Variants in TMEM200C observed in about 807,000 individuals in gnomAD.
TMEM200C encodes the protein transmembrane protein 200C.
For missense variants in TMEM200C, 966 were observed against 699.9 expected (o/e 1.38, Z -4.29); for synonymous variants, 462 against 324.7 (o/e 1.42, Z -4.55).
At position 5,891,408 on chromosome 18, in the gene TMEM200C, G is replaced by A. The variant is rs1476925066; in HGVS notation, c.656C>T (p.Ala219Val). 2.1e-6 allele frequency: 3 copies of A among 1,419,754 alleles called. No homozygotes were observed. The highest frequency in any genetic ancestry group is 1.9e-6 in the Non-Finnish European group (2 of 1,080,928). The allele number at this position is 1,419,754 out of a possible 1,614,324, so 87.9% of individuals were successfully genotyped here. A position where few individuals can be genotyped will look rare whatever the true frequency, so the allele number is the denominator to read the frequency against. Residue 219 changes from alanine (A) to valine (V), a missense_variant, in exon 3 of 3, where the codon GCG becomes GTG. Coordinates refer to ENST00000581347, the Ensembl canonical transcript of TMEM200C. The surrounding 1 kb of genome is among the most constrained non-coding windows in gnomAD (Gnocchi z 4.7). The stretch of plus-strand genomic sequence containing the variant: ...GGCCGCGGCGGCGGCCGCGGCGGCC[G>A]CCAGGTCTTTGGCGCGGAGGCTGTG...
At chr18:5,890,598 G>A (rs2095169392) in exon 3 of TMEM200C, 2 of 1,197,132 alleles carry the variant, frequency 1.7e-6, no homozygotes, top group East Asian at 3.2e-5. Flanking sequence ...ACTCCCCGGG[G>A]AGGGCGGGGG....
At chr18:5,883,318 T>C (rs2095163096) in exon 3 of TMEM200C, 1 of 152,094 alleles carries the variant, frequency 6.6e-6, no homozygotes, top group South Asian at 2.1e-4. Context: ...TTTACTTTAA[T>C]AGAATATTTG....
At chr18:5,887,704 C>A (rs749491170) in exon 3 of TMEM200C, 1 of 152,198 alleles carries the variant, frequency 6.6e-6, no homozygotes, top group Non-Finnish European at 1.5e-5. Context: ...CAAGCTCCTA[C>A]AATAGTACTG....
exon 3 of TMEM200C, chr18:5,889,273 C>T (rs2095167725): frequency 2.6e-5 from 4 of 152,136 alleles, no homozygotes; most frequent in Admixed American, 2.6e-4. Flanking sequence ...ACATTTTAAG[C>T]TTAAAAATAC....
rs539093261 is a variant in TMEM200C, at chr18:5,895,920, A to G, written c.-611T>C. ...CGGAGGGTCTCCCCAGCAGCATCCG[A>G]GGGGCGCTCTCGGGGAGCTAGGGGC... is the stretch of plus-strand genomic sequence containing the variant. On this transcript the variant is annotated 5_prime_UTR_variant, in exon 1 of 3. Coordinates refer to ENST00000581347, the Ensembl canonical transcript of TMEM200C. 4 of 151,996 alleles carry G rather than the reference A, an allele frequency of 2.6e-5. No homozygotes were observed. The South Asian group carries it at 8.3e-4, about 32-fold the overall frequency. 9.4% of individuals were successfully genotyped at this position (151,996 alleles called of 1,614,324 possible).
chr18:5,892,500 A>T (rs183898363), intron 2 of TMEM200C, among the ~76,000 whole-genome samples: 1 of 152,290 alleles, frequency 6.6e-6, no homozygotes, highest in East Asian at 1.9e-4. Context: ...AGTTCCAACC[A>T]TTAGTAAAAC....
chr18:5,882,716 T>C (rs966713199), exon 3 of TMEM200C: 1 of 152,144 alleles, frequency 6.6e-6, no homozygotes, highest in Non-Finnish European at 1.5e-5. Flanking sequence ...ATTATTACTA[T>C]TACTATCACT....
chr18:5,888,519 C>T (rs2095167152), exon 3 of TMEM200C: 1 of 152,150 alleles, frequency 6.6e-6, no homozygotes, highest in Non-Finnish European at 1.5e-5. Context: ...AGCTGAAGAT[C>T]ATAGAGATTA....
At chr18:5,896,106 A>G (rs1398900927), upstream of TMEM200C, among the ~76,000 whole-genome samples, 1 of 151,742 alleles carries the variant, frequency 6.6e-6, no homozygotes, top group Admixed American at 6.6e-5. Context: ...CCCCCAGCGA[A>G]CTCGGGCCCG....
chr18:5,894,593 A>G (rs2144462181), intron 2 of TMEM200C, among the ~76,000 whole-genome samples: 1 of 152,356 alleles, frequency 6.6e-6, no homozygotes, highest in East Asian at 1.9e-4. Context: ...CAAGAGAGAC[A>G]TTCAAGTTCT....
In TMEM200C at chr18:5,890,477, G is replaced by A. The variant is rs755453685; in HGVS notation, c.1587C>T (p.Asp529=). The change falls in exon 3 of 3, where the codon GAC becomes GAT. Residue 529 remains aspartate, a synonymous_variant. Transcript: ENST00000581347. The stretch of plus-strand genomic sequence containing the variant: ...TGTAGCCCTTATTGCTGCTGGATGG[G>A]TCATCCGACTGGGAGCTCCCGGAGT... 6 of 1,558,422 alleles carry A rather than the reference G, an allele frequency of 3.9e-6. No homozygotes were observed. In the South Asian group the frequency reaches 6.2e-5, roughly 16 times the overall value.
At chr18:5,883,787 T>C (rs1233340528) in exon 3 of TMEM200C, 2 of 152,122 alleles carry the variant, frequency 1.3e-5, no homozygotes, top group Non-Finnish European at 2.9e-5. Context: ...ACTTGATCCA[T>C]GATGCAAACA....
At position 5,891,455 on chromosome 18, in the gene TMEM200C, G is replaced by A. The variant is rs1341598475; in HGVS notation, c.609C>T (p.Leu203=). The change falls in exon 3 of 3, where the codon CTC becomes CTT. Residue 203 remains leucine, a synonymous_variant. Coordinates refer to ENST00000581347, the Ensembl canonical transcript of TMEM200C. The surrounding 1 kb of genome is among the most constrained non-coding windows in gnomAD (Gnocchi z 4.7). ...TGTGCACGTCGATGACGGTGGAGTA[G>A]AGGTCCCGCAGGTTGATGATTTTGG... 1.1e-5 allele frequency: 17 copies of A among 1,563,370 alleles called. No individual in the cohort carries two copies. The highest frequency in any genetic ancestry group is 1.5e-5 in the Non-Finnish European group (17 of 1,154,652).
chr18:5,889,976 A>G, exon 3 of TMEM200C: 1 of 388,360 alleles, frequency 2.6e-6, no homozygotes. Flanking sequence ...ACATACAATC[A>G]CCATCGGACA....
exon 3 of TMEM200C, chr18:5,889,181 A>G (rs1462931870): frequency 7.9e-5 from 12 of 152,270 alleles, no homozygotes; most frequent in Non-Finnish European, 1.5e-5. Flanking sequence ...CAGGTAAATG[A>G]GAAGTATCAT....
At chr18:5,892,717 C>T (rs1039664153) in intron 2 of TMEM200C, among the ~76,000 whole-genome samples, 13 of 152,198 alleles carry the variant, frequency 8.5e-5, no homozygotes, top group African/African-American at 3.1e-4. Context: ...ATTTATTTCA[C>T]TGGATGAAAA....
intron 2 of TMEM200C, among the ~76,000 whole-genome samples, chr18:5,893,443 G>A (rs767476797): frequency 2.0e-5 from 3 of 152,056 alleles, no homozygotes; most frequent in Non-Finnish European, 4.4e-5. Flanking sequence ...GTAGTTATTC[G>A]GCAGCCTCTA....
chr18:5,884,663 A>G (rs991276258), exon 3 of TMEM200C: 1 of 152,184 alleles, frequency 6.6e-6, no homozygotes, highest in Non-Finnish European at 1.5e-5. Context: ...TATACAGGTG[A>G]AATCAGGTGT....
At chr18:5,885,712 G>A (rs1421537417) in exon 3 of TMEM200C, 1 of 152,120 alleles carries the variant, frequency 6.6e-6, no homozygotes, top group Non-Finnish European at 1.5e-5. Flanking sequence ...AACTGGTGGT[G>A]GCTTAATAGA....
Sources: gnomAD v4.1 joint callset for allele counts (sites outside exome capture counted in the v4.1 genomes callset) on GRCh38, gnomAD v4.1.1 for gene constraint, Gnocchi (gnomAD v3.1) non-coding constraint, MANE v1.5 for transcripts, NCBI Gene and HGNC (gene_info 2026-07-23, HGNC 2026-07-21) for gene names.